NF1: variants seen among roughly 807,000 people sequenced by gnomAD.
NF1 encodes neurofibromin 1, also known as neurofibromin.
In NF1, 122 loss-of-function variants were observed where a neutral mutation model predicts 325.7. That is an observed-to-expected ratio of 0.37 (90% CI 0.32 to 0.44). NF1 has a LOEUF of 0.44. Ranked by LOEUF, NF1 falls within the 20% of genes least tolerant of loss-of-function variation. The pLI is 1.00. For synonymous variants in NF1, 1,091 were observed against 1,186.0 expected (o/e 0.92, Z 1.65); for missense variants, 2,140 against 3,415.4 (o/e 0.63, Z 9.31).
chr17:31,371,841 C>T (rs1288208821), intron 57 of NF1, among the ~76,000 whole-genome samples: 2 of 152,196 alleles, frequency 1.3e-5, no homozygotes, highest in Non-Finnish European at 2.9e-5. Context: ...GTTCCTTTGA[C>T]AGCAGTTCAG....
At chr17:31,237,202 C>T (rs548454456) in intron 29 of NF1, among the ~76,000 whole-genome samples, 1 of 152,270 alleles carries the variant, frequency 6.6e-6, no homozygotes, top group East Asian at 1.9e-4. Context: ...ACTGTAATAT[C>T]TATTCAGAAC....
At chr17:31,132,833 A>C (rs1915492072) in intron 1 of NF1, among the ~76,000 whole-genome samples, 1 of 151,628 alleles carries the variant, frequency 6.6e-6, no homozygotes, top group Admixed American at 6.6e-5. Context: ...TGCCCGGCTA[A>C]TTTTTGTATT....
intron 36 of NF1, among the ~76,000 whole-genome samples, chr17:31,292,232 A>G (rs1455575741): frequency 6.6e-6 from 1 of 152,204 alleles, no homozygotes; most frequent in Non-Finnish European, 1.5e-5. Flanking sequence ...GTATGTGTAT[A>G]TAGGTATGTG....
chr17:31,325,753 T>A (rs1031815549), intron 36 of NF1, 67 bp from the exon 37 acceptor site: 10 of 1,099,684 alleles, frequency 9.1e-6, no homozygotes, highest in Non-Finnish European at 4.1e-6. Context: ...TAAAATTGAT[T>A]AGTGGCATCT....
intron 1 of NF1, among the ~76,000 whole-genome samples, chr17:31,139,379 C>CAG (rs1393594309): frequency 7.0e-6 from 1 of 142,268 alleles, no homozygotes; most frequent in Non-Finnish European, 1.5e-5. Context: ...TACACAGACA[C>CAG]ACACACACAC....
chr17:31,304,658 C>G (rs547042038), intron 36 of NF1: 35 of 1,614,170 alleles, frequency 2.2e-5, no homozygotes, highest in Non-Finnish European at 2.7e-5. Flanking sequence ...GCACTATCTT[C>G]TGATGTACCA....
intron 48 of NF1, 70 bp downstream of exon 48, chr17:31,343,205 A>T: frequency 7.2e-7 from 1 of 1,397,930 alleles, no homozygotes; most frequent in Non-Finnish European, 1.0e-6. Flanking sequence ...TGAATAAGTG[A>T]TTACTTGAAA....
At position 31,225,142 on chromosome 17, in the gene NF1, A is replaced by G. The variant is rs1597710471; in HGVS notation, c.1893A>G (p.Gly631=). 2.5e-6 allele frequency: 4 copies of G among 1,613,738 alleles called. No homozygotes were observed. The highest frequency in any genetic ancestry group is 2.2e-5 in the East Asian group (1 of 44,852). ...SCHFLLFYGV[G]CDIPSSGNTS... is the part of the protein sequence containing the mutation. ...ACTTTCTCCTTTTTTACGGGGTAGGATGTGATATTCCTTCTAGTGGAAATA... is the reference window on the plus strand; with the variant it reads ...ACTTTCTCCTTTTTTACGGGGTAGGGTGTGATATTCCTTCTAGTGGAAATA... The change falls in exon 17 of 58, where the codon GGA becomes GGG. Residue 631 remains glycine (G), a synonymous_variant. Coordinates refer to ENST00000358273, the MANE Select transcript of NF1 (RefSeq NM_001042492.3).
intron 24 of NF1, among the ~76,000 whole-genome samples, chr17:31,231,641 ATGT>A (rs2067114297): frequency 1.3e-5 from 2 of 152,308 alleles, no homozygotes; most frequent in African/African-American, 4.8e-5. Context: ...TACAATATAA[ATGT>A]TGTATAAATA....
chr17:31,197,014 C>T (rs2143854916), intron 8 of NF1, among the ~76,000 whole-genome samples: 1 of 150,592 alleles, frequency 6.6e-6, no homozygotes, highest in African/African-American at 2.4e-5. Flanking sequence ...TTATGCGGCT[C>T]TTTGAGATTC....
intron 1 of NF1, among the ~76,000 whole-genome samples, chr17:31,103,952 T>G (rs1470467226): frequency 6.6e-6 from 1 of 152,022 alleles, no homozygotes; most frequent in Non-Finnish European, 1.5e-5. Context: ...GCCCAGGAAA[T>G]TAAGGCTGCA....
chr17:31,199,533 T>C (rs1166942054), intron 8 of NF1, among the ~76,000 whole-genome samples: 1 of 152,224 alleles, frequency 6.6e-6, no homozygotes, highest in Non-Finnish European at 1.5e-5. Flanking sequence ...GAGAAGAATA[T>C]ATTGTGCTGG....
Position 31,336,266 on chromosome 17 carries a change from A to G in NF1, c.6007-67A>G. 2 of 1,541,798 alleles carry G rather than the reference A, an allele frequency of 1.3e-6. No homozygotes were observed. Among genetic ancestry groups the G allele is most frequent in the Non-Finnish European group, 1.8e-6 (2 of 1,127,120 alleles). On this transcript the variant is annotated intron_variant, in intron 40 of 57. Coordinates refer to ENST00000358273, the MANE Select transcript of NF1 (RefSeq NM_001042492.3). The surrounding 1 kb of genome is among the most constrained non-coding windows in gnomAD (Gnocchi z 5.5). ...CATATTGATTAGGCTGTTCCAATGAATATTTTTTAATTAAAAATTAAATTG... is the reference window on the plus strand; with the variant it reads ...CATATTGATTAGGCTGTTCCAATGAGTATTTTTTAATTAAAAATTAAATTG...
At chr17:31,264,306 GAGGCCA>G (rs1018994933) in intron 35 of NF1, among the ~76,000 whole-genome samples, 52 of 151,968 alleles carry the variant, frequency 3.4e-4, no homozygotes, top group Admixed American at 3.3e-3. Flanking sequence ...AGCTACTTGG[GAGGCCA>G]AGGCAGGAGA....
At chr17:31,213,478 G>A (rs1371477463) in intron 12 of NF1, among the ~76,000 whole-genome samples, 1 of 152,072 alleles carries the variant, frequency 6.6e-6, no homozygotes, top group African/African-American at 2.4e-5. Flanking sequence ...AAGACAGCCT[G>A]TTTACCTGGA....
intron 8 of NF1, 81 bp from the exon 9 acceptor site, chr17:31,200,341 G>C (rs2143870816): frequency 2.2e-6 from 3 of 1,346,470 alleles, no homozygotes; most frequent in Non-Finnish European, 3.1e-6. Context: ...TTTAGAGGCT[G>C]TTAATTTGCT....
chr17:31,206,383 C>CA lies in NF1; in HGVS notation c.1392+13dup, dbSNP rs2066623179. 1.9e-6 allele frequency: 3 copies of CA among 1,613,186 alleles called. No individual in the cohort carries two copies. The highest frequency in any genetic ancestry group is 2.5e-6 in the Non-Finnish European group (3 of 1,179,462). Reference sequence around the variant, plus strand: ...TACGAATGGCACCGGTAAGATAAATCACGAATTTTGAATCTCACCTCCTTT... The same window carrying CA: ...TACGAATGGCACCGGTAAGATAAATCAACGAATTTTGAATCTCACCTCCTTT... On this transcript the variant is annotated intron_variant, in intron 12 of 57. Transcript: ENST00000358273.
At chr17:31,156,784 C>G (rs1018462131) in intron 2 of NF1, among the ~76,000 whole-genome samples, 3 of 152,046 alleles carry the variant, frequency 2.0e-5, no homozygotes, top group African/African-American at 7.3e-5. Flanking sequence ...CTCCAGCTGT[C>G]CTCCCTCTGT....
At chr17:31,343,263 G>C in intron 48 of NF1, 128 bp downstream of exon 48, 1 of 906,020 alleles carries the variant, frequency 1.1e-6, no homozygotes, top group Non-Finnish European at 1.7e-6. Flanking sequence ...ATGCAAACTA[G>C]GCCAGGCGTG....
Sources: gnomAD v4.1 joint callset for allele counts (sites outside exome capture counted in the v4.1 genomes callset) on GRCh38, gnomAD v4.1.1 for gene constraint, Gnocchi (gnomAD v3.1) non-coding constraint, MANE v1.5 for transcripts, NCBI Gene and HGNC (gene_info 2026-07-23, HGNC 2026-07-21) for gene names.